LURAP1: variants seen among roughly 807,000 people sequenced by gnomAD.
The protein encoded by LURAP1 is leucine rich adaptor protein 1.
LURAP1 carries 14 observed loss-of-function variants against 19.0 expected under a neutral mutation model. The observed-to-expected ratio is 0.74, with a 90% CI of 0.49 to 1.15. LURAP1 has a LOEUF of 1.15. LURAP1 is among the 50% of genes most tolerant of loss of function. The probability of loss-of-function intolerance (pLI) is 0.00; values close to 1 mark genes in which losing one functional copy is unlikely to be tolerated. For missense variants in LURAP1, 273 were observed against 309.1 expected (o/e 0.88, Z 0.87); for synonymous variants, 129 against 131.8 (o/e 0.98, Z 0.14).
At chr1:46,210,680 C>A (rs1409167034) in intron 1 of LURAP1, among the ~76,000 whole-genome samples, 2 of 152,196 alleles carry the variant, frequency 1.3e-5, no homozygotes, top group Non-Finnish European at 2.9e-5. Flanking sequence ...TGGGGCAAGG[C>A]ATACGGGAAG....
In LURAP1 at chr1:46,219,897, A is replaced by C. The variant is rs1479910046; in HGVS notation, c.397A>C (p.Thr133Pro). The part of the protein sequence containing the change: ...RRGSWDSLPD[T>P]STTDRLDSVS... ...AGGCAGCTGGGACAGCCTGCCAGAC[A>C]CCAGCACCACCGACCGGCTGGACAG... The change falls in exon 2 of 2, where the codon ACC becomes CCC. Residue 133 changes from threonine (T) to proline (P), a missense_variant. Thr to Pro is a conservative substitution (Grantham distance 38). Transcript: ENST00000371980. 1 of 1,614,002 alleles carries C rather than the reference A, an allele frequency of 6.2e-7. No homozygotes were observed.
In LURAP1 at chr1:46,203,539, G is replaced by A. The variant is rs1009384532; in HGVS notation, c.113G>A (p.Gly38Glu). ...GGGCTGCGAGGCGAGTGTGAGCTGGGAACCTCTGGCGCCCTGCTGCTCCCA... is the reference window on the plus strand; with the variant it reads ...GGGCTGCGAGGCGAGTGTGAGCTGGAAACCTCTGGCGCCCTGCTGCTCCCA... ...LRGLRGECEL[G>E]TSGALLLPGA... The change falls in exon 1 of 2, where the codon GGA (glycine) becomes GAA (glutamate). Residue 38 changes from glycine (G) to glutamate (E), a missense_variant. Coordinates refer to ENST00000371980, the MANE Select transcript of LURAP1 (RefSeq NM_001013615.3). 2.4e-5 allele frequency: 38 copies of A among 1,568,862 alleles called. No homozygotes were observed. Among genetic ancestry groups the A allele is most frequent in the Non-Finnish European group, 3.2e-5 (37 of 1,160,260 alleles).
At chr1:46,207,876 A>AT (rs1027044069) in intron 1 of LURAP1, among the ~76,000 whole-genome samples, 3 of 143,456 alleles carry the variant, frequency 2.1e-5, no homozygotes, top group East Asian at 2.1e-4. Context: ...TATTATCATT[A>AT]TTTTTTTTGA....
chr1:46,205,090 T>C (rs566616163), intron 1 of LURAP1, among the ~76,000 whole-genome samples: 1 of 152,108 alleles, frequency 6.6e-6, no homozygotes, highest in African/African-American at 2.4e-5. Flanking sequence ...AGACCCTGTC[T>C]CTACAAAAAA....
At chr1:46,214,807 A>T (rs1404101354) in intron 1 of LURAP1, among the ~76,000 whole-genome samples, 1 of 141,442 alleles carries the variant, frequency 7.1e-6, no homozygotes, top group Admixed American at 8.0e-5. Flanking sequence ...CAGAGGCTGC[A>T]GTGAGCCAAG....
intron 1 of LURAP1, among the ~76,000 whole-genome samples, chr1:46,211,740 T>C (rs1164901238): frequency 6.6e-6 from 1 of 152,082 alleles, no homozygotes; most frequent in African/African-American, 2.4e-5. Flanking sequence ...TTAATTCCAG[T>C]GTCTAATTTT....
At chr1:46,216,345 C>A (rs1277651211) in intron 1 of LURAP1, among the ~76,000 whole-genome samples, 1 of 151,050 alleles carries the variant, frequency 6.6e-6, no homozygotes, top group African/African-American at 2.4e-5. Context: ...CACGCTCGGC[C>A]CTATTTTATC....
At chr1:46,209,249 C>T (rs563157968) in intron 1 of LURAP1, among the ~76,000 whole-genome samples, 1 of 152,274 alleles carries the variant, frequency 6.6e-6, no homozygotes, top group South Asian at 2.1e-4. Context: ...GTCTCGAACT[C>T]CCGAACTCAG....
intron 1 of LURAP1, among the ~76,000 whole-genome samples, chr1:46,214,165 A>G (rs1658988077): frequency 6.6e-6 from 1 of 152,016 alleles, no homozygotes; most frequent in Admixed American, 6.6e-5. Flanking sequence ...GGCCAACATG[A>G]TGAAACCCCA....
intron 1 of LURAP1, among the ~76,000 whole-genome samples, chr1:46,206,824 G>A (rs1658731501): frequency 1.3e-5 from 2 of 152,192 alleles, no homozygotes; most frequent in South Asian, 4.1e-4. Flanking sequence ...ACTGGGCCAA[G>A]CACCAGAAAT....
At chr1:46,216,398 G>A (rs1176439150) in intron 1 of LURAP1, among the ~76,000 whole-genome samples, 2 of 152,096 alleles carry the variant, frequency 1.3e-5, no homozygotes, top group Non-Finnish European at 2.9e-5. Context: ...GCTGGGTGCA[G>A]TGGCACCACC....
At chr1:46,213,888 C>A (rs1301314717) in intron 1 of LURAP1, among the ~76,000 whole-genome samples, 2 of 152,000 alleles carry the variant, frequency 1.3e-5, no homozygotes, top group Middle Eastern at 3.4e-3. Context: ...GACTTTAGAC[C>A]TCCAATTAAA....
At chr1:46,212,681 A>G (rs1571688211) in intron 1 of LURAP1, among the ~76,000 whole-genome samples, 1 of 152,172 alleles carries the variant, frequency 6.6e-6, no homozygotes. Flanking sequence ...GGTTCAAGTG[A>G]TTCTCCTGCC....
chr1:46,203,735 C>A, intron 1 of LURAP1, 111 bp downstream of exon 1: 1 of 1,045,866 alleles, frequency 9.6e-7, no homozygotes, highest in Non-Finnish European at 1.3e-6. Context: ...AACTCTCCAC[C>A]TAACTGCTCA....
chr1:46,204,604 A>ACCAG (rs1013145206), intron 1 of LURAP1, among the ~76,000 whole-genome samples: 1 of 152,182 alleles, frequency 6.6e-6, no homozygotes, highest in Non-Finnish European at 1.5e-5. Context: ...GGGCTCTGAG[A>ACCAG]CCAGCCAGGG....
In LURAP1 at chr1:46,219,898, C is replaced by A. The variant is rs376049953; in HGVS notation, c.398C>A (p.Thr133Asn). ...RRGSWDSLPD[T>N]STTDRLDSVS... ...GGCAGCTGGGACAGCCTGCCAGACA[C>A]CAGCACCACCGACCGGCTGGACAGT... Residue 133 changes from threonine (T) to asparagine (N), a missense_variant, in exon 2 of 2, where the codon ACC becomes AAC. Physicochemically the swap from Thr to Asn is moderately conservative, Grantham distance 65 (BLOSUM62 0). Coordinates refer to ENST00000371980, the MANE Select transcript of LURAP1 (RefSeq NM_001013615.3). The A allele has an allele frequency of 7.9e-5, 128 of 1,613,846 alleles. No individual in the cohort carries two copies. Among genetic ancestry groups the A allele is most frequent in the Non-Finnish European group, 1.1e-4 (125 of 1,179,886 alleles).
rs1659197959 is a variant in LURAP1 at position 46,220,192 on chromosome 1, A to C, written c.692A>C (p.Gln231Pro). Reference sequence around the variant, plus strand: ...TTCGAGGCCCACTGGTTCTGGGAGCAGTGCCAGGATGATGTGACCTTCTTG... The same window carrying C: ...TTCGAGGCCCACTGGTTCTGGGAGCCGTGCCAGGATGATGTGACCTTCTTG... ...LGFEAHWFWE[Q>P]CQDDVTFL The change falls in exon 2 of 2, where the codon CAG (glutamine) becomes CCG (proline). Residue 231 changes from glutamine (Q) to proline (P), a missense_variant. By Grantham distance (76) the Gln-to-Pro change is moderately conservative. Coordinates refer to ENST00000371980, the MANE Select transcript of LURAP1 (RefSeq NM_001013615.3). 5.0e-6 allele frequency: 8 copies of C among 1,612,446 alleles called. No individual in the cohort carries two copies. The highest frequency in any genetic ancestry group is 6.8e-6 in the Non-Finnish European group (8 of 1,179,052).
chr1:46,216,937 AGTTGCATACAT>A lies in LURAP1; in HGVS notation c.199-2756_199-2746del, dbSNP rs1336863686. Among the ~76,000 whole-genome samples the A allele has an allele frequency of 3.3e-5, 5 of 152,316 alleles. No individual in the cohort carries two copies. In the East Asian group the frequency reaches 9.6e-4, roughly 29 times the overall value. On this transcript the variant is annotated intron_variant, in intron 1 of 1. Transcript: ENST00000371980. ...TAATTCACTTAGGATTATAGCCTCC[AGTTGCATACAT>A]GTTGCTGCAAAGGACATGATTTCAT...
chr1:46,219,418 C>G (rs1252525000), intron 1 of LURAP1, among the ~76,000 whole-genome samples: 5 of 152,188 alleles, frequency 3.3e-5, no homozygotes, highest in African/African-American at 9.6e-5. Flanking sequence ...ACTTAATAGA[C>G]AGCATTTCAG....
Sources: allele counts gnomAD v4.1 joint callset (sites outside exome capture counted in the v4.1 genomes callset), GRCh38; gene constraint gnomAD v4.1.1; transcripts MANE v1.5; gene names NCBI Gene and HGNC (gene_info 2026-07-23, HGNC 2026-07-21).